The following AK5 variants were observed in gnomAD, a reference collection of about 807,000 sequenced individuals.
AK5 encodes the protein adenylate kinase 5.
In AK5, 27 loss-of-function variants were observed where a neutral mutation model predicts 69.5. The observed-to-expected ratio is 0.39, with a 90% CI of 0.29 to 0.54. AK5 has a LOEUF of 0.54. AK5 is among the 20% of genes least tolerant of loss of function. The probability of loss-of-function intolerance (pLI) is 0.71; values close to 1 mark genes in which losing one functional copy is unlikely to be tolerated. For synonymous variants in AK5, 260 were observed against 244.4 expected, an observed-to-expected ratio of 1.06 and a Z score of -0.60; for missense variants, 531 against 700.4, an observed-to-expected ratio of 0.76 and a Z score of 2.73.
chr1:77,385,761 C>T (rs1470989989), intron 6 of AK5, among the ~76,000 whole-genome samples: 3 of 152,082 alleles, frequency 2.0e-5, no homozygotes, highest in Non-Finnish European at 1.5e-5. Context: ...GTAGTGTCAC[C>T]ACAGAACAGG....
chr1:77,394,822 A>G (rs562748885), intron 6 of AK5, among the ~76,000 whole-genome samples: 1 of 152,334 alleles, frequency 6.6e-6, no homozygotes, highest in East Asian at 1.9e-4. Flanking sequence ...TATGTACTCA[A>G]TAAATATTGG....
chr1:77,348,959 T>G (rs1662053484), intron 6 of AK5, among the ~76,000 whole-genome samples: 1 of 152,218 alleles, frequency 6.6e-6, no homozygotes, highest in Admixed American at 6.5e-5. Flanking sequence ...TAAATTTTTT[T>G]CATGTTTAAG....
At chr1:77,398,897 A>G (rs1399142085) in intron 6 of AK5, among the ~76,000 whole-genome samples, 3 of 152,108 alleles carry the variant, frequency 2.0e-5, no homozygotes, top group African/African-American at 7.2e-5. Flanking sequence ...ATTGGGTCCA[A>G]TCTATATGGA....
chr1:77,368,201 G>T (rs1323854582), intron 6 of AK5, among the ~76,000 whole-genome samples: 1 of 73,062 alleles, frequency 1.4e-5, no homozygotes, highest in Non-Finnish European at 2.8e-5. Flanking sequence ...TGACCTTACT[G>T]AAGAGTAGAG....
intron 13 of AK5, among the ~76,000 whole-genome samples, chr1:77,538,561 A>T (rs528407668): frequency 6.7e-6 from 1 of 149,282 alleles, no homozygotes; most frequent in South Asian, 2.1e-4. Flanking sequence ...AAGGCAGAAG[A>T]ATTGCTTGAA....
At chr1:77,497,864 G>A in intron 10 of AK5, among the ~76,000 whole-genome samples, 1 of 152,208 alleles carries the variant, frequency 6.6e-6, no homozygotes, top group Non-Finnish European at 1.5e-5. Context: ...TTACAGGCAT[G>A]AGCCACTGCA....
intron 6 of AK5, 133 bp from the exon 7 acceptor site, chr1:77,410,848 G>A (rs1649995722): frequency 3.0e-6 from 2 of 669,036 alleles, no homozygotes; most frequent in South Asian, 3.9e-5. Flanking sequence ...TCTGATTAAA[G>A]ACTCAAATGC....
At chr1:77,531,491 A>G (rs891799712) in intron 12 of AK5, among the ~76,000 whole-genome samples, 1 of 152,182 alleles carries the variant, frequency 6.6e-6, no homozygotes, top group Non-Finnish European at 1.5e-5. Context: ...CAGAGTGTGG[A>G]CACAAAGGTT....
chr1:77,341,871 G>A (rs1438539732), intron 6 of AK5, among the ~76,000 whole-genome samples: 2 of 152,020 alleles, frequency 1.3e-5, no homozygotes, highest in African/African-American at 4.8e-5. Flanking sequence ...GCTATGTTTT[G>A]TTGGGGTTAT....
intron 6 of AK5, among the ~76,000 whole-genome samples, chr1:77,396,472 A>G (rs1215710400): frequency 6.6e-6 from 1 of 152,246 alleles, no homozygotes; most frequent in Non-Finnish European, 1.5e-5. Flanking sequence ...CAAGCCTGTC[A>G]TAGCCATCTT....
intron 8 of AK5, among the ~76,000 whole-genome samples, chr1:77,455,133 T>G (rs1200895603): frequency 6.6e-6 from 1 of 152,192 alleles, no homozygotes; most frequent in Non-Finnish European, 1.5e-5. Flanking sequence ...ACTGAGACTC[T>G]GAGTGTGAAA....
chr1:77,373,668 G>A (rs1367798985), intron 6 of AK5, among the ~76,000 whole-genome samples: 1 of 151,904 alleles, frequency 6.6e-6, no homozygotes. Context: ...GGAGGTTGCA[G>A]TGAGCCGAGA....
intron 13 of AK5, among the ~76,000 whole-genome samples, chr1:77,548,114 T>G (rs1659629287): frequency 6.6e-6 from 1 of 152,240 alleles, no homozygotes; most frequent in African/African-American, 2.4e-5. Flanking sequence ...GAAAAACAGT[T>G]ACTTAAAACG....
chr1:77,294,064 C>T (rs1658846386), intron 3 of AK5, 104 bp downstream of exon 3: 3 of 1,017,640 alleles, frequency 2.9e-6, no homozygotes, highest in Non-Finnish European at 4.2e-6. Flanking sequence ...TGGATAATGA[C>T]AAGCAATAGA....
At chr1:77,484,677 A>G (rs999106859) in intron 9 of AK5, among the ~76,000 whole-genome samples, 8 of 152,226 alleles carry the variant, frequency 5.3e-5, no homozygotes, top group African/African-American at 1.9e-4. Flanking sequence ...ATACTATAGA[A>G]ATTTTTTAAC....
chr1:77,404,509 G>A (rs537501773), intron 6 of AK5, among the ~76,000 whole-genome samples: 1 of 152,184 alleles, frequency 6.6e-6, no homozygotes, highest in South Asian at 2.1e-4. Context: ...AACACTGAAT[G>A]TCATCATTTT....
At position 77,379,209 on chromosome 1, in the gene AK5, G is replaced by A. The variant is rs116261643; in HGVS notation, c.892-31772G>A. ...GGGTAAGCCCTAGCAGAAAGCTTCC[G>A]ATGGCTGTCTTCCCCATAGATAAAT... is the stretch of plus-strand genomic sequence containing the variant. On this transcript the variant is annotated intron_variant, in intron 6 of 13. Coordinates refer to ENST00000354567, the MANE Select transcript of AK5 (RefSeq NM_174858.3). Among the ~76,000 whole-genome samples the A allele has an allele frequency of 7.5e-3, 1,139 of 152,256 alleles. 4 individuals are homozygous for A. The highest frequency in any genetic ancestry group is 0.011 in the Non-Finnish European group (770 of 68,008).
intron 7 of AK5, among the ~76,000 whole-genome samples, chr1:77,413,896 A>C (rs1180489401): frequency 6.6e-6 from 1 of 152,122 alleles, no homozygotes; most frequent in East Asian, 1.9e-4. Flanking sequence ...GCAACCCATC[A>C]ACACCCAGAT....
chr1:77,443,697 G>GTGTGTA, intron 8 of AK5, among the ~76,000 whole-genome samples: 1 of 151,072 alleles, frequency 6.6e-6, no homozygotes, highest in African/African-American at 2.4e-5. Context: ...GTGTGTGTGT[G>GTGTGTA]TGTGTGTGTG....
Sources: gnomAD v4.1 joint callset for allele counts (sites outside exome capture counted in the v4.1 genomes callset) on GRCh38, gnomAD v4.1.1 for gene constraint, MANE v1.5 for transcripts, NCBI Gene and HGNC (gene_info 2026-07-23, HGNC 2026-07-21) for gene names.